The following LIPK variants were observed in gnomAD, a reference collection of about 807,000 sequenced individuals.
The protein encoded by LIPK is lipase family member K.
In LIPK, 32 loss-of-function variants were observed where a neutral mutation model predicts 48.6. The ratio of observed to expected loss-of-function variants is 0.66; its 90% CI spans 0.50 to 0.88. LIPK has a LOEUF of 0.88. LIPK is among the 40% of genes least tolerant of loss of function. The probability of loss-of-function intolerance (pLI) is 0.00; values close to 1 mark genes in which losing one functional copy is unlikely to be tolerated. For synonymous variants in LIPK, 164 were observed against 157.4 expected, an observed-to-expected ratio of 1.04 and a Z score of -0.32; for missense variants, 507 against 478.5, an observed-to-expected ratio of 1.06 and a Z score of -0.56.
intron 4 of LIPK, among the ~76,000 whole-genome samples, 199 bp from the exon 5 acceptor site, chr10:88,731,978 CT>C (rs1842476118): frequency 6.6e-6 from 1 of 152,212 alleles, no homozygotes; most frequent in African/African-American, 2.4e-5. Context: ...TCAAATTTTT[CT>C]GATTTCAGTT....
chr10:88,739,171 G>A (rs905577524), intron 7 of LIPK, among the ~76,000 whole-genome samples: 3 of 97,070 alleles, frequency 3.1e-5, no homozygotes, highest in Admixed American at 2.4e-4. Context: ...TAAATATACC[G>A]ACTGAATTAA....
At chr10:88,733,737 A>C (rs1842514899) in intron 6 of LIPK, among the ~76,000 whole-genome samples, 1 of 152,222 alleles carries the variant, frequency 6.6e-6, no homozygotes, top group Admixed American at 6.5e-5. Context: ...TCATTTGCAC[A>C]GCTCTCTTCA....
chr10:88,715,281 G>A (rs751453675), intron 1 of LIPK, among the ~76,000 whole-genome samples: 11 of 152,064 alleles, frequency 7.2e-5, no homozygotes, highest in Non-Finnish European at 1.3e-4. Context: ...ATCTCTATCA[G>A]TTTGATCTTC....
chr10:88,712,871 TAAAG>T (rs1842050164), intron 1 of LIPK, among the ~76,000 whole-genome samples: 1 of 152,206 alleles, frequency 6.6e-6, no homozygotes, highest in African/African-American at 2.4e-5. Flanking sequence ...TTCTCTTGAA[TAAAG>T]AGTTTTATTT....
chr10:88,732,610 T>C, intron 6 of LIPK, 59 bp downstream of exon 6: 1 of 1,502,254 alleles, frequency 6.7e-7, no homozygotes, highest in Non-Finnish European at 9.0e-7. Context: ...TTTCCATTGA[T>C]TTCAACAGAA....
chr10:88,726,659 A>C, intron 2 of LIPK, 136 bp from the exon 3 acceptor site: 3 of 613,508 alleles, frequency 4.9e-6, no homozygotes, highest in Non-Finnish European at 8.7e-6. Context: ...ACACCACTGC[A>C]CTCCAGCCCA....
At chr10:88,724,150 C>A (rs1842287664) in intron 1 of LIPK, among the ~76,000 whole-genome samples, 1 of 152,082 alleles carries the variant, frequency 6.6e-6, no homozygotes, top group Admixed American at 6.6e-5. Flanking sequence ...ACTCTACCAT[C>A]AGAAAAAAGT....
At chr10:88,710,266 AT>A (rs1351099321) in intron 1 of LIPK, among the ~76,000 whole-genome samples, 14 of 152,162 alleles carry the variant, frequency 9.2e-5, no homozygotes, top group Admixed American at 9.2e-4. Flanking sequence ...TCTTTTTAGC[AT>A]GTATTTATTG....
intron 8 of LIPK, among the ~76,000 whole-genome samples, chr10:88,742,761 T>C (rs1048508562): frequency 1.0e-5 from 1 of 97,882 alleles, no homozygotes; most frequent in Admixed American, 1.1e-4. Flanking sequence ...TTTCTTTTAA[T>C]AGTAAAAAAA....
chr10:88,712,044 A>G lies in LIPK; in HGVS notation c.-12+5724A>G, dbSNP rs184151742. On this transcript the variant is annotated intron_variant, in intron 1 of 9. Transcript: ENST00000404190. ...GAATAATTGTTGAAAATACTTTCTC[A>G]TTGAAATACATTGAAACCTATGTCA... Among the ~76,000 whole-genome samples the G allele has an allele frequency of 5.4e-3, 824 of 152,266 alleles. 20 individuals are homozygous for G. Among genetic ancestry groups the G allele is most frequent in the East Asian group, 0.015 (77 of 5,182 alleles).
chr10:88,737,528 T>C lies in LIPK; in HGVS notation c.670-107T>C, dbSNP rs569149099. On this transcript the variant is annotated intron_variant, in intron 6 of 9. Coordinates refer to ENST00000404190, the MANE Select transcript of LIPK (RefSeq NM_001080518.2). ...TCATGATTTCACTAAGGACCAACAC[T>C]GAGCAGATGTCACCTAATACTGTGC... is the stretch of plus-strand genomic sequence containing the variant. The C allele has an allele frequency of 5.3e-5, 60 of 1,122,398 alleles. 1 individual carries two copies. 69.5% of individuals were successfully genotyped at this position (1,122,398 alleles called of 1,614,324 possible).
At chr10:88,740,172 C>T in intron 8 of LIPK, 105 bp downstream of exon 8, 2 of 623,834 alleles carry the variant, frequency 3.2e-6, no homozygotes, top group Non-Finnish European at 5.5e-6. Flanking sequence ...CTGCCACTGC[C>T]ACATTGATGT....
At chr10:88,744,147 C>G (rs1842730420) in intron 9 of LIPK, among the ~76,000 whole-genome samples, 2 of 152,228 alleles carry the variant, frequency 1.3e-5, no homozygotes, top group Admixed American at 1.3e-4. Context: ...GTCTGCTGGC[C>G]TTTCTCAGGG....
At chr10:88,715,152 T>C (rs1009151799) in intron 1 of LIPK, among the ~76,000 whole-genome samples, 1 of 152,104 alleles carries the variant, frequency 6.6e-6, no homozygotes, top group Non-Finnish European at 1.5e-5. Context: ...TTATAACAAA[T>C]TGGTTAATAG....
intron 1 of LIPK, among the ~76,000 whole-genome samples, chr10:88,722,626 G>C (rs1564977576): frequency 6.6e-6 from 1 of 152,128 alleles, no homozygotes; most frequent in East Asian, 1.9e-4. Context: ...GTGGTCTATG[G>C]GCCATACTTA....
intron 1 of LIPK, among the ~76,000 whole-genome samples, chr10:88,710,227 A>G (rs770967136): frequency 9.9e-5 from 15 of 152,166 alleles, no homozygotes; most frequent in Non-Finnish European, 1.9e-4. Context: ...ATCTTGTACA[A>G]AAAGATCCCT....
At chr10:88,714,653 A>G (rs939033126) in intron 1 of LIPK, among the ~76,000 whole-genome samples, 11 of 152,254 alleles carry the variant, frequency 7.2e-5, no homozygotes, top group Admixed American at 3.3e-4. Flanking sequence ...TAGTTAATAT[A>G]ATTTATCAAA....
chr10:88,728,583 CG>C, intron 3 of LIPK: 1 of 458,828 alleles, frequency 2.2e-6, no homozygotes, highest in Non-Finnish European at 4.3e-6. Flanking sequence ...GTAGCTTCAC[CG>C]GAACCTGGAG....
intron 6 of LIPK, among the ~76,000 whole-genome samples, chr10:88,733,031 C>G (rs1842499565): frequency 6.6e-6 from 1 of 152,094 alleles, no homozygotes; most frequent in African/African-American, 2.4e-5. Context: ...ATAGGGCTAC[C>G]CTGAGGACTA....
Sources: allele counts gnomAD v4.1 joint callset (sites outside exome capture counted in the v4.1 genomes callset), GRCh38; gene constraint gnomAD v4.1.1; transcripts MANE v1.5; gene names NCBI Gene and HGNC (gene_info 2026-07-23, HGNC 2026-07-21).